Variants in FRMD6 observed in about 807,000 individuals in gnomAD.
FRMD6 encodes the protein FERM domain containing 6.
Under a neutral mutation model 73.2 loss-of-function variants are expected in FRMD6, and 37 were observed. That is an observed-to-expected ratio of 0.51 (90% CI 0.39 to 0.66). FRMD6 has a LOEUF of 0.66. FRMD6 is among the 30% of genes least tolerant of loss of function. FRMD6 has a pLI of 0.00. For synonymous variants in FRMD6, 273 were observed against 282.2 expected (o/e 0.97, Z 0.33); for missense variants, 714 against 780.5 (o/e 0.91, Z 1.02).
intron 2 of FRMD6, among the ~76,000 whole-genome samples, chr14:51,631,735 G>A (rs1318312727): frequency 1.3e-5 from 2 of 152,172 alleles, no homozygotes; most frequent in African/African-American, 4.8e-5. Context: ...AACTCTGGCA[G>A]TAGATTTTAC....
chr14:51,649,051 T>C (rs1296167306), upstream of FRMD6, among the ~76,000 whole-genome samples: 2 of 152,222 alleles, frequency 1.3e-5, no homozygotes, highest in Admixed American at 6.5e-5. Flanking sequence ...TTTATTGTAA[T>C]AAGCACAGAA....
At chr14:51,606,645 T>A (rs1890269154) in intron 2 of FRMD6, among the ~76,000 whole-genome samples, 1 of 152,096 alleles carries the variant, frequency 6.6e-6, no homozygotes, top group Non-Finnish European at 1.5e-5. Context: ...TTAGTTGGGG[T>A]CCTCCAGAGA....
intron 2 of FRMD6, chr14:51,637,223 A>G (rs1000414634): frequency 6.6e-6 from 1 of 152,194 alleles, no homozygotes; most frequent in African/African-American, 2.4e-5. Context: ...CCCTGTCTCA[A>G]AAAAGAGAAA....
At chr14:51,641,447 C>T (rs895564671) in intron 2 of FRMD6, among the ~76,000 whole-genome samples, 1 of 152,108 alleles carries the variant, frequency 6.6e-6, no homozygotes, top group African/African-American at 2.4e-5. Context: ...CTCCTATTTA[C>T]CTTTCCCCTC....
At chr14:51,516,157 C>A (rs972793374) in intron 1 of FRMD6, among the ~76,000 whole-genome samples, 4 of 152,040 alleles carry the variant, frequency 2.6e-5, no homozygotes, top group African/African-American at 9.7e-5. Flanking sequence ...CACTGGTGAA[C>A]CCCTTGCCTT....
the FRMD6 span, among the ~76,000 whole-genome samples, chr14:51,468,241 G>A: frequency 6.9e-6 from 1 of 144,092 alleles, no homozygotes; most frequent in African/African-American, 2.5e-5. Context: ...GATGGTGGCA[G>A]TACAGTCCAG....
At chr14:51,624,080 A>T (rs1045713958) in intron 2 of FRMD6, among the ~76,000 whole-genome samples, 1 of 151,462 alleles carries the variant, frequency 6.6e-6, no homozygotes, top group African/African-American at 2.4e-5. Flanking sequence ...GTTCTCACTT[A>T]CAATTGGGAG....
chr14:51,437,343 C>T, the FRMD6 span, among the ~76,000 whole-genome samples: 38 of 152,260 alleles, frequency 2.5e-4, no homozygotes, highest in African/African-American at 8.4e-4. Context: ...CGCTCTGTCG[C>T]CCAAGCTGGA....
chr14:51,644,017 T>C (rs1361466506), intron 2 of FRMD6, among the ~76,000 whole-genome samples: 1 of 152,178 alleles, frequency 6.6e-6, no homozygotes, highest in East Asian at 1.9e-4. Flanking sequence ...TTTTAGTTAT[T>C]CAATCAACAT....
chr14:51,539,058 A>T (rs1476790698), intron 1 of FRMD6, among the ~76,000 whole-genome samples: 1 of 152,080 alleles, frequency 6.6e-6, no homozygotes, highest in Non-Finnish European at 1.5e-5. Context: ...ATTGGTTTTA[A>T]TGGGCTTTTT....
chr14:51,404,551 T>C, the FRMD6 span, among the ~76,000 whole-genome samples: 1 of 152,180 alleles, frequency 6.6e-6, no homozygotes, highest in Non-Finnish European at 1.5e-5. Context: ...AGTCTTTGAT[T>C]CACCTAAGAA....
At chr14:51,555,059 T>C (rs1887052096) in intron 1 of FRMD6, among the ~76,000 whole-genome samples, 1 of 152,208 alleles carries the variant, frequency 6.6e-6, no homozygotes, top group Non-Finnish European at 1.5e-5. Flanking sequence ...CGATGCATTG[T>C]GGACCCTTCC....
chr14:51,697,904 G>A (rs749167881), intron 2 of FRMD6: 29 of 355,294 alleles, frequency 8.2e-5, no homozygotes, highest in Non-Finnish European at 3.1e-5. Context: ...CTTTGTCCAT[G>A]TATGGTAAGA....
chr14:51,472,993 T>G, the FRMD6 span, among the ~76,000 whole-genome samples: 1 of 152,190 alleles, frequency 6.6e-6, no homozygotes, highest in Non-Finnish European at 1.5e-5. Flanking sequence ...TTGATACCCT[T>G]GAGCAGTTTG....
chr14:51,510,759 T>C (rs1420570983), intron 1 of FRMD6, among the ~76,000 whole-genome samples: 1 of 152,250 alleles, frequency 6.6e-6, no homozygotes, highest in African/African-American at 2.4e-5. Context: ...TGGGGAATTA[T>C]ACCTCCAAGG....
intron 1 of FRMD6, among the ~76,000 whole-genome samples, chr14:51,509,413 G>A (rs994845622): frequency 8.5e-5 from 13 of 152,140 alleles, no homozygotes; most frequent in African/African-American, 3.1e-4. Context: ...TGTAGTCCCA[G>A]CTACTCGGGA....
the FRMD6 span, among the ~76,000 whole-genome samples, chr14:51,460,659 A>G: frequency 6.6e-6 from 1 of 152,220 alleles, no homozygotes; most frequent in Non-Finnish European, 1.5e-5. Context: ...CTTCATAGAA[A>G]CATCAGGTTG....
chr14:51,573,920 G>A (rs866952104), intron 2 of FRMD6, among the ~76,000 whole-genome samples: 6 of 152,250 alleles, frequency 3.9e-5, no homozygotes, highest in South Asian at 2.1e-4. Flanking sequence ...GGAAAGAAAC[G>A]AGACAAGATT....
At chr14:51,488,876 C>CT (rs1356567624), upstream of FRMD6, among the ~76,000 whole-genome samples, 12 of 152,174 alleles carry the variant, frequency 7.9e-5, no homozygotes, top group Non-Finnish European at 1.5e-4. Flanking sequence ...CCGGCCTCTG[C>CT]TTTTTTTGTG....
Sources: gnomAD v4.1 joint callset for allele counts (sites outside exome capture counted in the v4.1 genomes callset) on GRCh38, gnomAD v4.1.1 for gene constraint, MANE v1.5 for transcripts, NCBI Gene and HGNC (gene_info 2026-07-23, HGNC 2026-07-21) for gene names.